Variants in PXDNL observed in about 807,000 individuals in gnomAD.
PXDNL encodes the protein probable oxidoreductase PXDNL.
PXDNL carries 145 observed loss-of-function variants against 150.8 expected under a neutral mutation model. The observed-to-expected ratio is 0.96, with a 90% CI of 0.84 to 1.10. The LOEUF is 1.10. PXDNL is among the 50% of genes least tolerant of loss of function. The pLI is 0.00. For synonymous variants in PXDNL, 757 were observed against 725.7 expected (o/e 1.04, Z -0.69); for missense variants, 2,087 against 1,873.9 (o/e 1.11, Z -2.10).
intron 2 of PXDNL, among the ~76,000 whole-genome samples, chr8:51,637,248 GA>G (rs1473373259): frequency 2.0e-5 from 3 of 151,978 alleles, no homozygotes; most frequent in Non-Finnish European, 4.4e-5. Flanking sequence ...CAAAGATGGG[GA>G]AAAAAACAGA....
In PXDNL at chr8:51,371,922, G is replaced by T; in HGVS notation, c.3852C>A (p.Cys1284Ter). The change falls in exon 19 of 23, where the codon TGC (cysteine) becomes TGA (stop). Residue 1284 changes from cysteine (C) to a stop codon, truncating the protein, a stop_gained. Transcript: ENST00000356297. LOFTEE classifies it high-confidence loss of function. Reference protein sequence around the residue: ...KAEYPQDYLNCSEIPKVDLRV... With the variant: ...KAEYPQDYLN Reference sequence around the variant, plus strand: ...GCAGGTCCACCTTCGGGATCTCGCTGCAGTTCAGGTAATCCTGTGGGTATT... The same window carrying T: ...GCAGGTCCACCTTCGGGATCTCGCTTCAGTTCAGGTAATCCTGTGGGTATT... 6.2e-7 allele frequency: 1 copy of T among 1,613,964 alleles called. No individual in the cohort carries two copies. The highest frequency in any genetic ancestry group is 8.5e-7 in the Non-Finnish European group (1 of 1,179,882).
At chr8:51,741,168 G>A (rs1025946396) in intron 1 of PXDNL, among the ~76,000 whole-genome samples, 30 of 152,124 alleles carry the variant, frequency 2.0e-4, no homozygotes, top group Non-Finnish European at 1.8e-4. Context: ...ACTTGCTATT[G>A]GCCTATTGAG....
intron 19 of PXDNL, among the ~76,000 whole-genome samples, chr8:51,346,912 T>C (rs564425100): frequency 6.6e-6 from 1 of 152,224 alleles, no homozygotes; most frequent in Non-Finnish European, 1.5e-5. Flanking sequence ...TTTATAGCAA[T>C]GCAAAAACTG....
chr8:51,707,599 G>GCAGAACAGT lies in PXDNL; in HGVS notation c.165-52840_165-52839insACTGTTCTG, dbSNP rs1816408241. Among the ~76,000 whole-genome samples, 3 of 152,154 alleles carry GCAGAACAGT rather than the reference G, an allele frequency of 2.0e-5. No individual in the cohort carries two copies. The East Asian group carries it at 5.8e-4, about 29-fold the overall frequency. ...TTCTGTTTTGTTAACCGCAGATACT[G>GCAGAACAGT]TTCTGCAAAACACATCTCTAGAACT... On this transcript the variant is annotated intron_variant, in intron 1 of 22. Coordinates refer to ENST00000356297, the MANE Select transcript of PXDNL (RefSeq NM_144651.5).
chr8:51,423,878 AGTG>A (rs1809021405), intron 13 of PXDNL, 147 bp from the exon 14 acceptor site: 1 of 583,850 alleles, frequency 1.7e-6, no homozygotes, highest in Admixed American at 4.0e-5. Flanking sequence ...ACATGAATCT[AGTG>A]GAGAGAAGGA....
intron 1 of PXDNL, among the ~76,000 whole-genome samples, chr8:51,737,196 G>T (rs1205426785): frequency 1.1e-4 from 16 of 152,106 alleles, no homozygotes; most frequent in African/African-American, 2.4e-5. Context: ...ATTTGAAAAA[G>T]AAATGCAAAT....
At chr8:51,377,615 C>G (rs941369080) in intron 17 of PXDNL, among the ~76,000 whole-genome samples, 2 of 152,240 alleles carry the variant, frequency 1.3e-5, no homozygotes, top group African/African-American at 4.8e-5. Context: ...CTGAGAGCAG[C>G]TCGCCGGCAC....
chr8:51,805,799 T>C (rs756742960), intron 1 of PXDNL, among the ~76,000 whole-genome samples: 1 of 152,222 alleles, frequency 6.6e-6, no homozygotes, highest in Non-Finnish European at 1.5e-5. Flanking sequence ...CATGTTCAAT[T>C]TGCAGTCACT....
At chr8:51,451,128 T>A (rs1809799837) in intron 10 of PXDNL, among the ~76,000 whole-genome samples, 1 of 150,892 alleles carries the variant, frequency 6.6e-6, no homozygotes, top group Admixed American at 6.6e-5. Flanking sequence ...ATATTAAAAT[T>A]TAATTTTATT....
intron 3 of PXDNL, among the ~76,000 whole-genome samples, chr8:51,566,960 G>A (rs60958464): frequency 0.069 from 10,473 of 151,376 alleles, 456 homozygotes; most frequent in South Asian, 0.11. Context: ...ACTGCATCCC[G>A]CGAAATCTGA....
At chr8:51,660,308 G>A (rs1018685896) in intron 1 of PXDNL, among the ~76,000 whole-genome samples, 2 of 152,170 alleles carry the variant, frequency 1.3e-5, no homozygotes, top group African/African-American at 2.4e-5. Flanking sequence ...GCAAAATGTC[G>A]TTAAGACATA....
intron 5 of PXDNL, among the ~76,000 whole-genome samples, chr8:51,484,565 G>A (rs1479881598): frequency 1.3e-5 from 2 of 152,178 alleles, no homozygotes; most frequent in Non-Finnish European, 2.9e-5. Flanking sequence ...TTACTGGCCA[G>A]CACAGTTTTG....
At chr8:51,748,643 C>T (rs2037011972) in intron 1 of PXDNL, among the ~76,000 whole-genome samples, 1 of 152,156 alleles carries the variant, frequency 6.6e-6, no homozygotes, top group Non-Finnish European at 1.5e-5. Context: ...AAACTGTGAA[C>T]AAGTGACCAT....
intron 21 of PXDNL, among the ~76,000 whole-genome samples, chr8:51,327,919 T>TA (rs1384068392): frequency 1.3e-5 from 2 of 152,232 alleles, no homozygotes. Context: ...AAGATCTGCT[T>TA]ACCTGGGACA....
chr8:51,467,418 G>C (rs1810227064), intron 8 of PXDNL, among the ~76,000 whole-genome samples: 1 of 152,036 alleles, frequency 6.6e-6, no homozygotes, highest in Admixed American at 6.6e-5. Flanking sequence ...ACTAAATATT[G>C]GGTACATATG....
At chr8:51,808,771 T>C (rs934669311) in intron 1 of PXDNL, among the ~76,000 whole-genome samples, 1 of 152,122 alleles carries the variant, frequency 6.6e-6, no homozygotes, top group Non-Finnish European at 1.5e-5. Flanking sequence ...ACATAATCAA[T>C]TGAAACCACA....
At chr8:51,555,801 A>G (rs900466424) in intron 4 of PXDNL, among the ~76,000 whole-genome samples, 3 of 152,212 alleles carry the variant, frequency 2.0e-5, no homozygotes, top group Non-Finnish European at 2.9e-5. Context: ...TAATTGAGAG[A>G]AATCTATGAA....
intron 12 of PXDNL, among the ~76,000 whole-genome samples, chr8:51,441,438 G>A (rs1313643463): frequency 6.6e-6 from 1 of 152,182 alleles, no homozygotes; most frequent in African/African-American, 2.4e-5. Context: ...TCCCTAGTTA[G>A]ATGTCTGCTT....
chr8:51,585,613 G>A (rs1813306172), intron 3 of PXDNL, among the ~76,000 whole-genome samples: 1 of 152,102 alleles, frequency 6.6e-6, no homozygotes, highest in Non-Finnish European at 1.5e-5. Flanking sequence ...TAGGAATGAA[G>A]GCTGGTTTGG....
Sources: allele counts gnomAD v4.1 joint callset (sites outside exome capture counted in the v4.1 genomes callset), GRCh38; gene constraint gnomAD v4.1.1; transcripts MANE v1.5; gene names NCBI Gene and HGNC (gene_info 2026-07-23, HGNC 2026-07-21).